Variants in SGCD observed in about 807,000 individuals in gnomAD.
SGCD encodes the protein delta-sarcoglycan.
In SGCD, 18 loss-of-function variants were observed where a neutral mutation model predicts 36.6. The observed-to-expected ratio is 0.49, with a 90% CI of 0.34 to 0.73. The LOEUF (loss-of-function observed/expected upper bound fraction) is 0.73. SGCD is among the 30% of genes least tolerant of loss of function. The probability of loss-of-function intolerance (pLI) is 0.01; values close to 1 mark genes in which losing one functional copy is unlikely to be tolerated. For synonymous variants in SGCD, 133 were observed against 130.6 expected, an observed-to-expected ratio of 1.02 and a Z score of -0.12; for missense variants, 387 against 346.7, an observed-to-expected ratio of 1.12 and a Z score of -0.92.
chr5:155,772,334 T>C, the SGCD span, among the ~76,000 whole-genome samples: 12,695 of 152,250 alleles, frequency 0.083, 728 homozygotes, highest in African/African-American at 0.16. Context: ...TGTGTAGCAC[T>C]TTGATATATT....
chr5:155,926,599 A>T (rs1757001346), intron 1 of SGCD, among the ~76,000 whole-genome samples: 1 of 152,212 alleles, frequency 6.6e-6, no homozygotes, highest in African/African-American at 2.4e-5. Context: ...ATCAAATCCA[A>T]GGAAAGAAAT....
chr5:156,354,289 T>C (rs1405488876), intron 3 of SGCD, among the ~76,000 whole-genome samples: 2 of 152,138 alleles, frequency 1.3e-5, no homozygotes, highest in African/African-American at 4.8e-5. Context: ...AGTGTGATTA[T>C]AGTCTGGAAG....
rs372050763 is a variant in SGCD, at chr5:156,025,136, C to T, written c.-281-92742C>T. ...ATGGTAGTGGGAGGACTTTCCAGAG[C>T]AACTGGTTTCCGTGTGGTGATTTAG... On this transcript the variant is annotated intron_variant, in intron 1 of 9. Coordinates refer to the SGCD transcript ENST00000517913. Among the ~76,000 whole-genome samples the T allele has an allele frequency of 2.0e-5, 3 of 152,080 alleles. No individual in the cohort carries two copies. In the East Asian group the frequency reaches 5.8e-4, roughly 29 times the overall value.
At chr5:155,754,720 A>G in the SGCD span, among the ~76,000 whole-genome samples, 4 of 152,268 alleles carry the variant, frequency 2.6e-5, no homozygotes, top group Admixed American at 2.6e-4. Flanking sequence ...TCAACAGACA[A>G]AAGGGAGGAA....
intron 3 of SGCD, among the ~76,000 whole-genome samples, chr5:156,188,799 C>T (rs948053643): frequency 1.8e-4 from 27 of 151,468 alleles, no homozygotes; most frequent in Non-Finnish European, 3.3e-4. Context: ...AGACCGAGAG[C>T]GTAACCACAT....
chr5:156,489,626 A>G (rs1293279502), intron 3 of SGCD, among the ~76,000 whole-genome samples: 1 of 152,134 alleles, frequency 6.6e-6, no homozygotes, highest in African/African-American at 2.4e-5. Context: ...CTGGATGATC[A>G]TTAGGTCAAT....
chr5:156,732,605 C>T (rs1475471682), intron 7 of SGCD, among the ~76,000 whole-genome samples: 11 of 151,752 alleles, frequency 7.2e-5, no homozygotes, highest in Non-Finnish European at 1.5e-4. Context: ...GATGATGCCT[C>T]ATAGAATGAG....
intron 1 of SGCD, among the ~76,000 whole-genome samples, chr5:155,945,065 G>A (rs1297171549): frequency 2.0e-5 from 3 of 152,126 alleles, no homozygotes; most frequent in African/African-American, 7.2e-5. Context: ...CAAATAGATA[G>A]AAGTTAAGTT....
chr5:155,896,453 T>C (rs1410461161), intron 1 of SGCD, among the ~76,000 whole-genome samples: 10 of 123,088 alleles, frequency 8.1e-5, no homozygotes, highest in African/African-American at 2.5e-4. Context: ...CTGGGCAACA[T>C]GGTGAAACCC....
chr5:156,299,152 G>A lies in SGCD; in HGVS notation c.-43-30382G>A, dbSNP rs150929334. On this transcript the variant is annotated intron_variant, in intron 3 of 9. Transcript: ENST00000517913. The stretch of plus-strand genomic sequence containing the variant: ...GATATAGATCTAGTTTCATTTTTCC[G>A]CATAGTGATATCTAGTTTTCCCAGC... Among the ~76,000 whole-genome samples the A allele has an allele frequency of 3.3e-3, 496 of 152,112 alleles. 1 individual carries two copies. The highest frequency in any genetic ancestry group is 9.0e-3 in the African/African-American group (375 of 41,510).
the SGCD span, among the ~76,000 whole-genome samples, chr5:155,826,422 C>A: frequency 6.6e-6 from 1 of 152,194 alleles, no homozygotes; most frequent in South Asian, 2.1e-4. Context: ...CTGTGATGGT[C>A]TACAAGACCT....
chr5:156,713,346 C>T (rs1755075958), intron 7 of SGCD, among the ~76,000 whole-genome samples: 1 of 149,446 alleles, frequency 6.7e-6, no homozygotes, highest in Admixed American at 6.7e-5. Context: ...AGAAGAGGGG[C>T]TAAGATGACT....
chr5:155,910,251 T>C (rs1392223626), intron 1 of SGCD, among the ~76,000 whole-genome samples: 2 of 152,070 alleles, frequency 1.3e-5, no homozygotes, highest in Non-Finnish European at 2.9e-5. Context: ...CTACCTAATA[T>C]GTCTTTTAAA....
intron 3 of SGCD, among the ~76,000 whole-genome samples, chr5:156,224,007 T>C (rs1764784968): frequency 6.6e-6 from 1 of 151,872 alleles, no homozygotes; most frequent in Non-Finnish European, 1.5e-5. Flanking sequence ...TGGTAACAAA[T>C]GTCAACACAA....
chr5:156,632,893 T>A (rs559173693), intron 6 of SGCD, among the ~76,000 whole-genome samples: 1 of 152,302 alleles, frequency 6.6e-6, no homozygotes, highest in African/African-American at 2.4e-5. Flanking sequence ...GTTCATTTTT[T>A]GCAAGAAACA....
chr5:155,896,114 T>C (rs1028386633), intron 1 of SGCD, among the ~76,000 whole-genome samples: 1 of 152,192 alleles, frequency 6.6e-6, no homozygotes, highest in African/African-American at 2.4e-5. Context: ...TGTTTTAACA[T>C]CCATAACAGA....
chr5:156,274,127 G>C (rs1032783822), intron 3 of SGCD, among the ~76,000 whole-genome samples: 4 of 152,258 alleles, frequency 2.6e-5, no homozygotes, highest in African/African-American at 9.6e-5. Flanking sequence ...GGGCCCCACA[G>C]CGTGAGGAGG....
upstream of SGCD, among the ~76,000 whole-genome samples, chr5:155,867,450 T>TGGTGAACTGG (rs1387069578): frequency 4.6e-5 from 7 of 152,150 alleles, no homozygotes; most frequent in South Asian, 2.1e-4. Context: ...CTGTTGACAA[T>TGGTGAACTGG]GGTGAACTGG....
chr5:156,194,541 C>T (rs1763974729), intron 3 of SGCD, among the ~76,000 whole-genome samples: 1 of 151,902 alleles, frequency 6.6e-6, no homozygotes, highest in Non-Finnish European at 1.5e-5. Flanking sequence ...GTGTTATATT[C>T]TATTTTAGGA....
Sources: allele counts gnomAD v4.1 joint callset (sites outside exome capture counted in the v4.1 genomes callset), GRCh38; gene constraint gnomAD v4.1.1; transcripts MANE v1.5; gene names NCBI Gene and HGNC (gene_info 2026-07-23, HGNC 2026-07-21).